Variants in TAFA4 observed in about 807,000 individuals in gnomAD.
TAFA4 encodes TAFA chemokine like family member 4.
TAFA4 carries 20 observed loss-of-function variants against 21.1 expected under a neutral mutation model. That is an observed-to-expected ratio of 0.95 (90% CI 0.67 to 1.38). The LOEUF (loss-of-function observed/expected upper bound fraction) is 1.38, where lower values mean the gene tolerates loss of function less well. Among genes scored for constraint, TAFA4 ranks in the 40% most tolerant of loss-of-function variants. The pLI, the probability that TAFA4 is intolerant of heterozygous loss-of-function variation, is 0.00. For synonymous variants in TAFA4, 71 were observed against 67.4 expected (o/e 1.05, Z -0.26); for missense variants, 211 against 180.9 (o/e 1.17, Z -0.95).
chr3:68,880,515 GA>G (rs746191675), intron 3 of TAFA4, among the ~76,000 whole-genome samples: 45 of 152,158 alleles, frequency 3.0e-4, no homozygotes, highest in Non-Finnish European at 5.6e-4. Flanking sequence ...GTGTGCCCAA[GA>G]AAACAAAAGT....
chr3:68,873,213 G>C (rs2089506615), intron 3 of TAFA4, among the ~76,000 whole-genome samples: 1 of 151,882 alleles, frequency 6.6e-6, no homozygotes. Flanking sequence ...TACAACATAA[G>C]GTAGGAGAGG....
At chr3:68,756,337 C>T (rs886148052) in intron 3 of TAFA4, among the ~76,000 whole-genome samples, 2 of 152,162 alleles carry the variant, frequency 1.3e-5, no homozygotes, top group Admixed American at 1.3e-4. Context: ...CAAGTGTGTT[C>T]ATGATTTTCA....
intron 1 of TAFA4, among the ~76,000 whole-genome samples, chr3:68,903,961 A>G (rs1174420444): frequency 6.6e-6 from 1 of 152,044 alleles, no homozygotes; most frequent in Non-Finnish European, 1.5e-5. Context: ...TAATCCTTCC[A>G]GAAGTTGGAA....
intron 3 of TAFA4, among the ~76,000 whole-genome samples, chr3:68,837,368 A>T (rs1166858764): frequency 6.6e-6 from 1 of 152,202 alleles, no homozygotes; most frequent in African/African-American, 2.4e-5. Context: ...GAAGCCCAAG[A>T]AACACTGCCA....
chr3:68,803,473 G>A (rs1353744888), intron 3 of TAFA4, among the ~76,000 whole-genome samples: 1 of 152,124 alleles, frequency 6.6e-6, no homozygotes, highest in Non-Finnish European at 1.5e-5. Context: ...CAAGGGACAT[G>A]ATGAAAGCCA....
chr3:68,783,524 C>T (rs941798031), intron 3 of TAFA4, among the ~76,000 whole-genome samples: 10 of 151,920 alleles, frequency 6.6e-5, no homozygotes, highest in African/African-American at 2.2e-4. Context: ...ACACTGAGGA[C>T]TTTTCTCAAA....
chr3:68,908,231 G>C (rs1176575124), intron 1 of TAFA4, among the ~76,000 whole-genome samples: 2 of 152,142 alleles, frequency 1.3e-5, no homozygotes, highest in Non-Finnish European at 1.5e-5. Context: ...GACTCCCTAA[G>C]AGACACAGAG....
intron 4 of TAFA4, among the ~76,000 whole-genome samples, chr3:68,746,336 CATATATACATCTATCCT>C (rs1270536125): frequency 7.9e-5 from 12 of 151,544 alleles, no homozygotes; most frequent in Non-Finnish European, 1.5e-4. Context: ...ACATCTATCT[CATATATACATCTATCCT>C]ATTAGTCCCG....
intron 3 of TAFA4, among the ~76,000 whole-genome samples, chr3:68,765,275 G>T (rs1702829627): frequency 1.3e-5 from 2 of 152,076 alleles, no homozygotes; most frequent in Non-Finnish European, 2.9e-5. Context: ...ATAAATCTCT[G>T]TATGTATAAT....
intron 3 of TAFA4, among the ~76,000 whole-genome samples, chr3:68,753,352 T>G (rs1413914474): frequency 5.3e-5 from 8 of 150,502 alleles, no homozygotes; most frequent in Non-Finnish European, 1.0e-4. Context: ...TTTTTTTTTT[T>G]TGAGAGAGAA....
rs544910584 is a variant in TAFA4 at position 68,837,558 on chromosome 3, G to GC, written c.130+43171dup. Among the ~76,000 whole-genome samples the GC allele has an allele frequency of 4.6e-3, 705 of 152,102 alleles. 6 individuals carry two copies. Among genetic ancestry groups the GC allele is most frequent in the South Asian group, 0.019 (91 of 4,818 alleles). ...CTAAAAATATAAACTCCTGGCACCC[G>GC]CCCCCCACTCCAGTGATTCTGATTC... On this transcript the variant is annotated intron_variant, in intron 3 of 5. Transcript: ENST00000295569.
intron 3 of TAFA4, among the ~76,000 whole-genome samples, chr3:68,754,277 C>CTAT (rs1180343648): frequency 1.3e-5 from 2 of 152,194 alleles, no homozygotes; most frequent in Non-Finnish European, 2.9e-5. Flanking sequence ...CCTTTTATAG[C>CTAT]TATTTTCCCC....
chr3:68,809,662 C>T (rs115250696), intron 3 of TAFA4, among the ~76,000 whole-genome samples: 2,200 of 151,828 alleles, frequency 0.014, 49 homozygotes, highest in African/African-American at 0.05. Context: ...AGCTTTTCCC[C>T]GTTTTTTCTT....
intron 1 of TAFA4, among the ~76,000 whole-genome samples, chr3:68,891,443 T>C (rs116537622): frequency 3.3e-4 from 50 of 152,276 alleles, no homozygotes; most frequent in African/African-American, 1.2e-3. Context: ...GATAATTAGC[T>C]ATTTCCAGAC....
At chr3:68,841,687 C>A (rs970547326) in intron 3 of TAFA4, among the ~76,000 whole-genome samples, 1 of 152,006 alleles carries the variant, frequency 6.6e-6, no homozygotes, top group Non-Finnish European at 1.5e-5. Flanking sequence ...CCAATACTAT[C>A]CCTCCCCTAC....
Position 68,905,198 on chromosome 3 carries a change from A to C in TAFA4, c.-122-19888T>G, listed in dbSNP as rs548853322. Among the ~76,000 whole-genome samples, 329 of 119,854 alleles carry C rather than the reference A, an allele frequency of 2.7e-3. 1 individual carries two copies. The highest frequency in any genetic ancestry group is 9.8e-3 in the African/African-American group (298 of 30,276). The allele number at this position is 119,854 out of a possible 152,430, so 78.6% of individuals were successfully genotyped here. A position where few individuals can be genotyped will look rare whatever the true frequency, so the allele number is the denominator to read the frequency against. ...TGTGAGACAGTCTTGCTCTGTCGCC[A>C]GGCTAGAGTGCAAGTGGTGCGATCT... On this transcript the variant is annotated intron_variant, in intron 1 of 5. Coordinates refer to ENST00000295569, the MANE Select transcript of TAFA4 (RefSeq NM_182522.5).
At chr3:68,885,796 G>GC (rs2089666842) in intron 1 of TAFA4, among the ~76,000 whole-genome samples, 1 of 152,046 alleles carries the variant, frequency 6.6e-6, no homozygotes, top group Admixed American at 6.5e-5. Flanking sequence ...GTTGCTTTTT[G>GC]AAAAAATATT....
At chr3:68,856,826 T>C (rs1319807077) in intron 3 of TAFA4, among the ~76,000 whole-genome samples, 1 of 151,964 alleles carries the variant, frequency 6.6e-6, no homozygotes, top group African/African-American at 2.4e-5. Context: ...AGCAGCACTG[T>C]TGTATGGAGG....
chr3:68,876,358 CTG>C (rs2089549913), intron 3 of TAFA4, among the ~76,000 whole-genome samples: 1 of 152,180 alleles, frequency 6.6e-6, no homozygotes, highest in Non-Finnish European at 1.5e-5. Flanking sequence ...TCAAACGCAT[CTG>C]TGTTAAGTAC....
Sources: allele counts gnomAD v4.1 joint callset (sites outside exome capture counted in the v4.1 genomes callset), GRCh38; gene constraint gnomAD v4.1.1; transcripts MANE v1.5; gene names NCBI Gene and HGNC (gene_info 2026-07-23, HGNC 2026-07-21).